NFX1: variants seen among roughly 807,000 people sequenced by gnomAD.
The protein encoded by NFX1 is transcriptional repressor NF-X1.
Under a neutral mutation model 137.2 loss-of-function variants are expected in NFX1, and 69 were observed. The ratio of observed to expected loss-of-function variants is 0.50; its 90% CI spans 0.41 to 0.61. NFX1 has a LOEUF of 0.61. Ranked by LOEUF, NFX1 falls within the 20% of genes least tolerant of loss-of-function variation. The probability of loss-of-function intolerance (pLI) is 0.00; values close to 1 mark genes in which losing one functional copy is unlikely to be tolerated. For synonymous variants in NFX1, 495 were observed against 474.1 expected, an observed-to-expected ratio of 1.04 and a Z score of -0.57; for missense variants, 1,167 against 1,391.0, an observed-to-expected ratio of 0.84 and a Z score of 2.56.
At chr9:33,315,594 A>G (rs553975337) in intron 7 of NFX1, among the ~76,000 whole-genome samples, 1 of 151,970 alleles carries the variant, frequency 6.6e-6, no homozygotes, top group Non-Finnish European at 1.5e-5. Flanking sequence ...GAGACCACAC[A>G]TCCTCTTAAA....
chr9:33,337,797 C>T (rs553424155), intron 11 of NFX1, among the ~76,000 whole-genome samples: 2 of 151,822 alleles, frequency 1.3e-5, no homozygotes, highest in East Asian at 3.9e-4. Context: ...ACCTGTAATC[C>T]CAGCACTTTG....
chr9:33,305,583 A>G (rs755341463), intron 4 of NFX1, among the ~76,000 whole-genome samples: 16 of 152,228 alleles, frequency 1.1e-4, no homozygotes, highest in Non-Finnish European at 2.1e-4. Context: ...CAGTGAGTAG[A>G]GTATTTTGGA....
intron 4 of NFX1, 128 bp from the exon 5 acceptor site, chr9:33,307,066 A>G: frequency 1.6e-6 from 1 of 619,164 alleles, no homozygotes; most frequent in Non-Finnish European, 2.8e-6. Flanking sequence ...ATATGGGATA[A>G]TACATTTGTT....
At chr9:33,300,513 CA>C (rs1176898669) in intron 2 of NFX1, among the ~76,000 whole-genome samples, 1 of 152,054 alleles carries the variant, frequency 6.6e-6, no homozygotes, top group Admixed American at 6.6e-5. Context: ...AGTATGTACT[CA>C]AAAAAGCATA....
chr9:33,354,279 T>C (rs1273267513), intron 18 of NFX1, 92 bp downstream of exon 18: 4 of 1,020,336 alleles, frequency 3.9e-6, no homozygotes, highest in Non-Finnish European at 5.8e-6. Context: ...TCCTTCATAG[T>C]AGAGCCTTGC....
chr9:33,351,515 A>G (rs772994810), intron 15 of NFX1, 45 bp from the exon 16 acceptor site: 6 of 1,573,352 alleles, frequency 3.8e-6, no homozygotes, highest in Non-Finnish European at 4.4e-6. Context: ...ACTCACCCCA[A>G]ATCCCACATG....
chr9:33,362,932 A>G (rs933616854), intron 19 of NFX1, among the ~76,000 whole-genome samples: 2 of 151,720 alleles, frequency 1.3e-5, no homozygotes, highest in Non-Finnish European at 2.9e-5. Flanking sequence ...TCGAGCTCCC[A>G]GCTTCAGGTG....
chr9:33,303,307 A>C (rs375249619), intron 4 of NFX1, 39 bp downstream of exon 4: 136 of 1,546,328 alleles, frequency 8.8e-5, no homozygotes, highest in Admixed American at 8.4e-5. Context: ...CTTTTACTAC[A>C]TACATTGTAC....
intron 14 of NFX1, among the ~76,000 whole-genome samples, chr9:33,345,315 A>T (rs919641165): frequency 1.3e-5 from 2 of 152,008 alleles, no homozygotes; most frequent in Non-Finnish European, 2.9e-5. Context: ...TGTCTCTACT[A>T]AAAATACAAA....
chr9:33,370,053 C>A lies in NFX1; in HGVS notation c.*75C>A. Reference sequence around the variant, plus strand: ...TTATTTGCCAGCAGATAAATCATGCCCGTTCCCCTCTGCCTGGCAGAATCA... The same window carrying A: ...TTATTTGCCAGCAGATAAATCATGCACGTTCCCCTCTGCCTGGCAGAATCA... On this transcript the variant is annotated 3_prime_UTR_variant, in exon 24 of 24. Transcript: ENST00000379540. 1 of 1,119,614 alleles carries A rather than the reference C, an allele frequency of 8.9e-7. No homozygotes were observed. The highest frequency in any genetic ancestry group is 1.3e-6 in the Non-Finnish European group (1 of 747,390). 69.4% of individuals were successfully genotyped at this position (1,119,614 alleles called of 1,614,324 possible).
intron 9 of NFX1, among the ~76,000 whole-genome samples, chr9:33,326,253 A>C (rs1393950752): frequency 1.3e-5 from 2 of 152,044 alleles, no homozygotes; most frequent in African/African-American, 4.8e-5. Flanking sequence ...TTTCTACTAA[A>C]AATACAAAAA....
chr9:33,344,260 C>T (rs1367433858), intron 14 of NFX1, 72 bp downstream of exon 14: 11 of 1,590,276 alleles, frequency 6.9e-6, no homozygotes, highest in Admixed American at 1.7e-5. Flanking sequence ...GTGTTACTGT[C>T]TTCACTGCTC....
intron 11 of NFX1, among the ~76,000 whole-genome samples, 158 bp from the exon 12 acceptor site, chr9:33,338,352 C>T (rs1823089983): frequency 6.6e-6 from 1 of 152,080 alleles, no homozygotes. Flanking sequence ...AAGACTCCAT[C>T]TCAAAAAACA....
At chr9:33,292,633 A>G (rs1174425632) in intron 1 of NFX1, among the ~76,000 whole-genome samples, 1 of 151,640 alleles carries the variant, frequency 6.6e-6, no homozygotes, top group Non-Finnish European at 1.5e-5. Flanking sequence ...TCCCTTCCTC[A>G]TGTCTCTTAT....
At chr9:33,356,389 T>C (rs1280410185) in intron 19 of NFX1, among the ~76,000 whole-genome samples, 1 of 152,206 alleles carries the variant, frequency 6.6e-6, no homozygotes, top group African/African-American at 2.4e-5. Flanking sequence ...GCTCTATGTA[T>C]ACATTGTGAG....
At chr9:33,309,550 C>G (rs768613904) in intron 5 of NFX1, among the ~76,000 whole-genome samples, 33 of 152,176 alleles carry the variant, frequency 2.2e-4, no homozygotes, top group Non-Finnish European at 3.2e-4. Context: ...CTTTTACTTT[C>G]AGGACCATAG....
intron 1 of NFX1, 145 bp from the exon 2 acceptor site, chr9:33,294,275 C>A (rs368490577): frequency 2.7e-6 from 2 of 749,338 alleles, no homozygotes; most frequent in African/African-American, 3.5e-5. Flanking sequence ...GAACCCATCA[C>A]CTTCACTGGA....
intron 11 of NFX1, among the ~76,000 whole-genome samples, chr9:33,336,286 G>A (rs1343667885): frequency 6.6e-6 from 1 of 152,144 alleles, no homozygotes; most frequent in Non-Finnish European, 1.5e-5. Context: ...CGCTATCTCA[G>A]CTCACTGCAA....
At chr9:33,310,355 A>G (rs1821919214) in intron 5 of NFX1, among the ~76,000 whole-genome samples, 1 of 152,232 alleles carries the variant, frequency 6.6e-6, no homozygotes, top group East Asian at 1.9e-4. Flanking sequence ...AAAATGTTTT[A>G]AGTAGTGGTA....
Sources: gnomAD v4.1 joint callset for allele counts (sites outside exome capture counted in the v4.1 genomes callset) on GRCh38, gnomAD v4.1.1 for gene constraint, MANE v1.5 for transcripts, NCBI Gene and HGNC (gene_info 2026-07-23, HGNC 2026-07-21) for gene names.